The following UBA3 variants were observed in gnomAD, a reference collection of about 807,000 sequenced individuals.
UBA3 encodes NEDD8-activating enzyme E1 catalytic subunit.
UBA3 carries 26 observed loss-of-function variants against 73.5 expected under a neutral mutation model. The observed-to-expected ratio is 0.35, with a 90% CI of 0.26 to 0.49. The LOEUF is 0.49. UBA3 is among the 20% of genes least tolerant of loss of function. The pLI is 0.98. For synonymous variants in UBA3, 217 were observed against 191.2 expected (o/e 1.13, Z -1.11); for missense variants, 495 against 555.6 (o/e 0.89, Z 1.10).
In UBA3 at chr3:69,080,059, T is replaced by TG; in HGVS notation, c.62+52dup. 10 of 1,555,396 alleles carry TG rather than the reference T, an allele frequency of 6.4e-6. No homozygotes were observed. The South Asian group carries it at 6.8e-5, about 11-fold the overall frequency. On this transcript the variant is annotated intron_variant, in intron 2 of 17. Coordinates refer to ENST00000361055, the MANE Select transcript of UBA3 (RefSeq NM_003968.4). ...TGCGGCTGGTCCCCTAGGCCTGGGG[T>TG]GGGGGGAGGCGGGGGTCCCCGGAGA...
rs1238963051 is a variant in UBA3, at chr3:69,067,840, C to T, written c.428+88G>A. 11 of 967,512 alleles carry T rather than the reference C, an allele frequency of 1.1e-5. No homozygotes were observed. In the Admixed American group the frequency reaches 2.1e-4, roughly 18 times the overall value. The allele number at this position is 967,512 out of a possible 1,614,324, so 59.9% of individuals were successfully genotyped here. A position where few individuals can be genotyped will look rare whatever the true frequency, so the allele number is the denominator to read the frequency against. On this transcript the variant is annotated intron_variant, in intron 6 of 17. Coordinates refer to ENST00000361055, the MANE Select transcript of UBA3 (RefSeq NM_003968.4). ...TACTGCTGACTTTTTTTCCCTCTTG[C>T]TTATCTGTATTCTCTGTTAAATATC... is the stretch of plus-strand genomic sequence containing the variant.
At chr3:69,069,033 A>G (rs1462030976) in intron 5 of UBA3, among the ~76,000 whole-genome samples, 1 of 152,224 alleles carries the variant, frequency 6.6e-6, no homozygotes, top group Non-Finnish European at 1.5e-5. Flanking sequence ...TCTAAGTTCT[A>G]TACAAATGGT....
chr3:69,080,255 T>A (rs969007457), intron 1 of UBA3, 79 bp downstream of exon 1: 3 of 1,556,218 alleles, frequency 1.9e-6, no homozygotes, highest in African/African-American at 2.7e-5. Context: ...GGACCCCGGG[T>A]GGCGGCGGCA....
In UBA3 at chr3:69,075,502, C is replaced by G. The variant is rs752231545; in HGVS notation, c.192G>C (p.Gln64His). 19 of 1,545,980 alleles carry G rather than the reference C, an allele frequency of 1.2e-5. No homozygotes were observed. In the South Asian group the frequency reaches 2.4e-4, roughly 19 times the overall value. ...PDFEPSTESL[Q>H]FLLDTCKVLV... ...GAACTTTACATGTATCTAACAAGAA[C>G]TGGAGAGACTGTAAAGAATGGAAAG... Residue 64 changes from glutamine to histidine, a missense_variant, in exon 4 of 18, where the codon CAG becomes CAC. By Grantham distance (24) the Gln-to-His change is conservative (BLOSUM62 0). Transcript: ENST00000361055.
At chr3:69,080,084 A>C in intron 2 of UBA3, 28 bp downstream of exon 2, 1 of 1,599,956 alleles carries the variant, frequency 6.3e-7, no homozygotes, top group Non-Finnish European at 8.5e-7. Flanking sequence ...GTCCCCGGAG[A>C]GGGCCCCGGC....
Position 69,071,641 on chromosome 3 carries a change from T to A in UBA3, c.265-24A>T, listed in dbSNP as rs775715672. The A allele has an allele frequency of 4.2e-6, 6 of 1,434,046 alleles. No individual in the cohort carries two copies. The South Asian group carries it at 5.4e-5, about 13-fold the overall frequency. 88.8% of individuals were successfully genotyped at this position (1,434,046 alleles called of 1,614,324 possible). A position where few individuals can be genotyped will look rare whatever the true frequency, so the allele number is the denominator to read the frequency against. ...GCCTGTGGGAATAAAAACAATCCAA[T>A]TAAGCAGAAGTTTCCTCACATTTAA... On this transcript the variant is annotated intron_variant, in intron 4 of 17. Transcript: ENST00000361055.
intron 11 of UBA3, among the ~76,000 whole-genome samples, chr3:69,061,370 T>A (rs909371532): frequency 2.6e-5 from 4 of 152,198 alleles, no homozygotes; most frequent in African/African-American, 9.6e-5. Flanking sequence ...TAATTTTGTA[T>A]TTTTAGTAGA....
intron 5 of UBA3, among the ~76,000 whole-genome samples, chr3:69,068,413 G>A (rs745338103): frequency 1.3e-5 from 2 of 151,688 alleles, no homozygotes; most frequent in Non-Finnish European, 2.9e-5. Flanking sequence ...TCATCCTTGG[G>A]ATGCAAGAAC....
Position 69,067,942 on chromosome 3 carries a change from A to G in UBA3, c.414T>C (p.Asn138=), listed in dbSNP as rs2092087553. The G allele has an allele frequency of 6.2e-7, 1 of 1,606,928 alleles. No individual in the cohort carries two copies. The highest frequency in any genetic ancestry group is 1.1e-5 in the South Asian group (1 of 89,894). Residue 138 remains asparagine (N), a synonymous_variant, in exon 6 of 18, where the codon AAT becomes AAC. Coordinates refer to ENST00000361055, the MANE Select transcript of UBA3 (RefSeq NM_003968.4). ...AAEFLNDRVP[N]CNVVPHFNKI... is the part of the protein sequence containing the mutation. ...CAAAAGGATACGGAACTACATTGCA[A>G]TTAGGAACTCTGTCATTTAGAAATT...
intron 6 of UBA3, among the ~76,000 whole-genome samples, chr3:69,067,347 T>C (rs934503908): frequency 1.3e-5 from 2 of 152,206 alleles, no homozygotes; most frequent in African/African-American, 2.4e-5. Context: ...GGCATTGTAT[T>C]TTACATTAAC....
chr3:69,070,737 C>T (rs528394416), intron 5 of UBA3, among the ~76,000 whole-genome samples: 9 of 152,230 alleles, frequency 5.9e-5, no homozygotes, highest in Non-Finnish European at 1.0e-4. Context: ...ACTGCAGCCT[C>T]CAGATCCTGA....
chr3:69,070,709 GTGGCA>G (rs1369322227), intron 5 of UBA3, among the ~76,000 whole-genome samples: 2 of 152,076 alleles, frequency 1.3e-5, no homozygotes, highest in African/African-American at 2.4e-5. Flanking sequence ...CTGGAGTACA[GTGGCA>G]TGAACACAGT....
chr3:69,055,704 A>G, intron 17 of UBA3, 147 bp downstream of exon 17: 1 of 887,730 alleles, frequency 1.1e-6, no homozygotes, highest in Non-Finnish European at 1.7e-6. Flanking sequence ...AGAGCAATTA[A>G]TTCTATTAAT....
chr3:69,055,484 C>T lies in UBA3; in HGVS notation c.1345G>A (p.Val449Ile). ...VDGQELAVAD[V>I]TTPQTVLFKL... ...AATAGTACAGTCTGTGGGGTGGTGACATCAGCAACCGCCAGTTCTTGTCCA... is the reference window on the plus strand; with the variant it reads ...AATAGTACAGTCTGTGGGGTGGTGATATCAGCAACCGCCAGTTCTTGTCCA... Residue 449 changes from valine to isoleucine, a missense_variant, in exon 18 of 18, where the codon GTC becomes ATC. Val to Ile is a conservative substitution (Grantham distance 29). Transcript: ENST00000361055. 6.3e-7 allele frequency: 1 copy of T among 1,575,732 alleles called. No individual in the cohort carries two copies. Among genetic ancestry groups the T allele is most frequent in the Non-Finnish European group, 8.6e-7 (1 of 1,169,576 alleles).
rs560211726 is a variant in UBA3 at position 69,074,081 on chromosome 3, G to A, written c.264+1349C>T. Among the ~76,000 whole-genome samples the A allele has an allele frequency of 3.9e-5, 6 of 152,236 alleles. No individual in the cohort carries two copies. In the East Asian group the frequency reaches 1.2e-3, roughly 29 times the overall value. On this transcript the variant is annotated intron_variant, in intron 4 of 17. Transcript: ENST00000361055. ...ATTACTATAATGCAATAAAGAAGAG[G>A]TCACTCCTTAAAGTTGCTTGGTGAC... is the stretch of plus-strand genomic sequence containing the variant.
chr3:69,056,750 A>G, intron 13 of UBA3, 29 bp downstream of exon 13: 1 of 1,611,984 alleles, frequency 6.2e-7, no homozygotes, highest in Non-Finnish European at 8.5e-7. Context: ...ACATAAATTT[A>G]CATGCATATT....
In UBA3 at chr3:69,054,915, C is replaced by T. The variant is rs1171469896; in HGVS notation, c.*522G>A. 1 of 152,226 alleles carries T rather than the reference C, an allele frequency of 6.6e-6. No individual in the cohort carries two copies. Among genetic ancestry groups the T allele is most frequent in the Admixed American group, 6.5e-5 (1 of 15,274 alleles). The allele number at this position is 152,226 out of a possible 1,614,324, so 9.4% of individuals were successfully genotyped here. A position where few individuals can be genotyped will look rare whatever the true frequency, so the allele number is the denominator to read the frequency against. On this transcript the variant is annotated 3_prime_UTR_variant, in exon 18 of 18. Transcript: ENST00000361055. ...ATGCACAGGTATTCAGCTATAACAC[C>T]ATTTACAAATCATTATGAACAAGAT...
At chr3:69,063,176 A>G (rs2092038034) in intron 8 of UBA3, 39 bp from the exon 9 acceptor site, 1 of 1,606,168 alleles carries the variant, frequency 6.2e-7, no homozygotes, top group African/African-American at 1.3e-5. Flanking sequence ...GGAGAAGGGG[A>G]TAAGAATTCA....
intron 6 of UBA3, among the ~76,000 whole-genome samples, chr3:69,066,421 T>G (rs1444896416): frequency 6.6e-6 from 1 of 150,586 alleles, no homozygotes; most frequent in Admixed American, 6.7e-5. Context: ...ACCCTAAAGT[T>G]CTATCGTTTT....
Sources: gnomAD v4.1 joint callset for allele counts (sites outside exome capture counted in the v4.1 genomes callset) on GRCh38, gnomAD v4.1.1 for gene constraint, MANE v1.5 for transcripts, NCBI Gene and HGNC (gene_info 2026-07-23, HGNC 2026-07-21) for gene names.